Variants in HNF1B observed in about 807,000 individuals in gnomAD.
HNF1B encodes HNF1 homeobox B.
In HNF1B, 8 loss-of-function variants were observed where a neutral mutation model predicts 61.7. The observed-to-expected ratio is 0.13, with a 90% CI of 0.08 to 0.23. The LOEUF is 0.23. Among genes scored for constraint, HNF1B ranks in the 10% least tolerant of loss-of-function variants. HNF1B has a pLI of 1.00. For missense variants in HNF1B, 562 were observed against 714.5 expected, an observed-to-expected ratio of 0.79 and a Z score of 2.43; for synonymous variants, 314 against 287.7, an observed-to-expected ratio of 1.09 and a Z score of -0.93.
In HNF1B at chr17:37,705,022, G is replaced by A; in HGVS notation, c.1234C>T (p.Pro412Ser). The A allele has an allele frequency of 6.2e-7, 1 of 1,614,016 alleles. No individual in the cohort carries two copies. Among genetic ancestry groups the A allele is most frequent in the South Asian group, 1.1e-5 (1 of 91,058 alleles). ...TGGATATTCGTCAAGGTGCTGACTG[G>A]GGGCAAACCTCCTCCTGAGACTGAG... is the stretch of plus-strand genomic sequence containing the variant. ...MISVSGGGLP[P>S]VSTLTNIHSL... Residue 412 changes from proline to serine, a missense_variant, in exon 6 of 9, where the codon CCA (proline) becomes TCA (serine). Around this residue, in one of 6 missense-constraint regions of HNF1B, gnomAD observed 211 missense variants for 200.7 expected, o/e 1.05. Coordinates refer to ENST00000617811, the MANE Select transcript of HNF1B (RefSeq NM_000458.4).
At chr17:37,707,117 A>T (rs1029648424) in intron 5 of HNF1B, among the ~76,000 whole-genome samples, 3 of 143,814 alleles carry the variant, frequency 2.1e-5, no homozygotes, top group Non-Finnish European at 3.0e-5. Flanking sequence ...ATTATTTTTA[A>T]TTTTTTTTTT....
intron 8 of HNF1B, among the ~76,000 whole-genome samples, chr17:37,692,141 G>C (rs2032225734): frequency 6.6e-6 from 1 of 152,206 alleles, no homozygotes; most frequent in Non-Finnish European, 1.5e-5. Flanking sequence ...ATGTGCTCTG[G>C]AAGGGACAGA....
intron 2 of HNF1B, among the ~76,000 whole-genome samples, chr17:37,738,575 C>T (rs1272484273): frequency 6.6e-6 from 1 of 152,154 alleles, no homozygotes; most frequent in Non-Finnish European, 1.5e-5. Context: ...AGGATTGGAT[C>T]AAAGTAATGA....
intron 8 of HNF1B, among the ~76,000 whole-genome samples, chr17:37,693,186 TCTC>T: frequency 1.2e-5 from 1 of 82,868 alleles, no homozygotes; most frequent in Non-Finnish European, 2.1e-5. Flanking sequence ...TGAGATTCCA[TCTC>T]AAAAAAAAAA....
At chr17:37,727,767 G>A (rs567879270) in intron 4 of HNF1B, among the ~76,000 whole-genome samples, 5 of 152,302 alleles carry the variant, frequency 3.3e-5, no homozygotes, top group African/African-American at 1.2e-4. Flanking sequence ...GGGAGGGAAG[G>A]TGCTGTTAGA....
chr17:37,716,085 G>A (rs972569841), intron 4 of HNF1B, among the ~76,000 whole-genome samples: 6 of 152,186 alleles, frequency 3.9e-5, no homozygotes, highest in African/African-American at 9.6e-5. Flanking sequence ...GGAGGCAGAG[G>A]TTGCAGTGAG....
At chr17:37,715,679 T>C (rs1598821068) in intron 4 of HNF1B, among the ~76,000 whole-genome samples, 1 of 152,174 alleles carries the variant, frequency 6.6e-6, no homozygotes, top group African/African-American at 2.4e-5. Flanking sequence ...CAGATAACCC[T>C]TTCTCCACTG....
intron 2 of HNF1B, among the ~76,000 whole-genome samples, chr17:37,737,468 G>C (rs1459284320): frequency 2.6e-5 from 4 of 152,190 alleles, no homozygotes; most frequent in African/African-American, 9.7e-5. Flanking sequence ...CACATAGTAG[G>C]TGCCTGTATA....
intron 8 of HNF1B, among the ~76,000 whole-genome samples, chr17:37,693,259 G>A (rs901201164): frequency 8.6e-5 from 13 of 151,744 alleles, no homozygotes; most frequent in East Asian, 3.9e-4. Context: ...GATCACAGAC[G>A]GGAGAGAAAA....
Position 37,744,711 on chromosome 17 carries a change from G to A in HNF1B, c.174C>T (p.Thr58=), listed in dbSNP as rs778315482. The A allele has an allele frequency of 6.8e-6, 11 of 1,613,434 alleles. No homozygotes were observed. The East Asian group carries it at 2.2e-4, about 33-fold the overall frequency. ...TGGTGAGAGTATGGAAGACCGGCTT[G>A]GTGTCGGGCTCGGCCCCGCTGCCAG... ...LSPGSGAEPD[T]KPVFHTLTNG... is the part of the protein sequence containing the mutation. The change falls in exon 1 of 9, where the codon ACC becomes ACT. Residue 58 remains threonine (T), a synonymous_variant. Transcript: ENST00000617811.
At chr17:37,709,638 G>A (rs2032867570) in intron 5 of HNF1B, among the ~76,000 whole-genome samples, 1 of 152,138 alleles carries the variant, frequency 6.6e-6, no homozygotes, top group Admixed American at 6.5e-5. Flanking sequence ...TGGGTGTGGG[G>A]CTGTGGTTAC....
At chr17:37,725,953 A>C (rs1443289799) in intron 4 of HNF1B, among the ~76,000 whole-genome samples, 1 of 152,178 alleles carries the variant, frequency 6.6e-6, no homozygotes. Context: ...GGGGGCTTTG[A>C]TTTCTTGCCT....
intron 4 of HNF1B, among the ~76,000 whole-genome samples, chr17:37,717,279 T>C (rs942295808): frequency 1.3e-5 from 2 of 152,058 alleles, no homozygotes; most frequent in Non-Finnish European, 2.9e-5. Flanking sequence ...GGAATGTTCC[T>C]CTGGCTGGTG....
In HNF1B at chr17:37,710,668, A is replaced by C. The variant is rs1349498697; in HGVS notation, c.1046-5T>G. The C allele has an allele frequency of 1.2e-6, 2 of 1,612,816 alleles. No homozygotes were observed. The highest frequency in any genetic ancestry group is 3.3e-5 in the Admixed American group (2 of 59,860). Reference sequence around the variant, plus strand: ...CCTGCTGGCTGTAGCGCACTCCTGCAAAACAACACAAACCCAGTAGGGAAC... The same window carrying C: ...CCTGCTGGCTGTAGCGCACTCCTGCCAAACAACACAAACCCAGTAGGGAAC... On this transcript the variant is annotated splice_polypyrimidine_tract_variant and splice_region_variant and intron_variant, in intron 4 of 8. Coordinates refer to ENST00000617811, the MANE Select transcript of HNF1B (RefSeq NM_000458.4).
At chr17:37,692,237 T>C (rs867332491) in intron 8 of HNF1B, among the ~76,000 whole-genome samples, 1 of 152,242 alleles carries the variant, frequency 6.6e-6, no homozygotes. Context: ...TTGGGGCATG[T>C]CTGCCTTGAC....
At chr17:37,701,234 G>A in intron 6 of HNF1B, 57 bp from the exon 7 acceptor site, 1 of 1,503,284 alleles carries the variant, frequency 6.7e-7, no homozygotes, top group Non-Finnish European at 9.0e-7. Context: ...AGAGGTGGAT[G>A]GATGCCATCA....
At chr17:37,692,618 G>GTTCA (rs1169863261) in intron 8 of HNF1B, among the ~76,000 whole-genome samples, 2 of 152,208 alleles carry the variant, frequency 1.3e-5, no homozygotes, top group Admixed American at 6.5e-5. Context: ...TCGTTCGTTC[G>GTTCA]TTCATTCATT....
At chr17:37,695,536 C>T (rs906022729) in intron 8 of HNF1B, among the ~76,000 whole-genome samples, 4 of 152,208 alleles carry the variant, frequency 2.6e-5, no homozygotes, top group African/African-American at 9.6e-5. Context: ...AATGGGCCTG[C>T]CACCCTCTAG....
chr17:37,716,480 T>A (rs1199745637), intron 4 of HNF1B, among the ~76,000 whole-genome samples: 1 of 152,196 alleles, frequency 6.6e-6, no homozygotes, highest in Non-Finnish European at 1.5e-5. Flanking sequence ...ATTGAAGGCA[T>A]GAGCCACTGC....
Sources: gnomAD v4.1 joint callset for allele counts (sites outside exome capture counted in the v4.1 genomes callset) on GRCh38, gnomAD v4.1.1 for gene constraint, gnomAD v4.1.1 regional missense constraint, MANE v1.5 for transcripts, NCBI Gene and HGNC (gene_info 2026-07-23, HGNC 2026-07-21) for gene names.